The following CHCHD6 variants were observed in gnomAD, a reference collection of about 807,000 sequenced individuals.
The protein encoded by CHCHD6 is coiled-coil-helix-coiled-coil-helix domain containing 6.
A neutral mutation model predicts 32.3 loss-of-function variants in CHCHD6; 28 were observed. The ratio of observed to expected loss-of-function variants is 0.87; its 90% CI spans 0.64 to 1.19. CHCHD6 has a LOEUF of 1.19. Among genes scored for constraint, CHCHD6 ranks in the 50% most tolerant of loss-of-function variants. CHCHD6 has a pLI of 0.00. For missense variants in CHCHD6, 333 were observed against 307.0 expected (o/e 1.08, Z -0.63); for synonymous variants, 122 against 117.5 (o/e 1.04, Z -0.25).
At chr3:126,940,918 G>A (rs1386388614) in intron 6 of CHCHD6, among the ~76,000 whole-genome samples, 7 of 151,974 alleles carry the variant, frequency 4.6e-5, no homozygotes, top group Middle Eastern at 3.4e-3. Context: ...TTTTTAACAG[G>A]TCTTTGTGTG....
chr3:126,945,175 TG>T lies in CHCHD6; in HGVS notation c.567-12240del, dbSNP rs2078617483. 2.0e-5 allele frequency among the ~76,000 whole-genome samples: 3 copies of T among 151,998 alleles called. 1 individual carries two copies. On this transcript the variant is annotated intron_variant, in intron 6 of 7. Coordinates refer to ENST00000290913, the MANE Select transcript of CHCHD6 (RefSeq NM_032343.3). ...CAGCAGAGCAGGCACGGGCGGCTCT[TG>T]TGAGGAGGACTTTGGCTCACTGTGA...
intron 6 of CHCHD6, among the ~76,000 whole-genome samples, chr3:126,928,857 A>G (rs1051127878): frequency 1.3e-5 from 2 of 152,258 alleles, no homozygotes; most frequent in South Asian, 2.1e-4. Flanking sequence ...GAGTCATCTA[A>G]TCCAGTTAGA....
chr3:126,942,356 C>T (rs891759), intron 6 of CHCHD6, among the ~76,000 whole-genome samples: 87,781 of 152,088 alleles, frequency 0.58, 26,709 homozygotes, highest in Non-Finnish European at 0.68. Flanking sequence ...TAACTTCCAC[C>T]CATCAGCCTT....
intron 1 of CHCHD6, among the ~76,000 whole-genome samples, chr3:126,709,232 A>G (rs1345295086): frequency 2.0e-5 from 3 of 152,192 alleles, no homozygotes; most frequent in African/African-American, 4.8e-5. Flanking sequence ...TGATTAATGC[A>G]TCTTTTATTT....
At chr3:126,720,868 CCATA>C (rs781046943) in intron 1 of CHCHD6, among the ~76,000 whole-genome samples, 5 of 152,164 alleles carry the variant, frequency 3.3e-5, no homozygotes, top group Non-Finnish European at 7.3e-5. Flanking sequence ...CCTCATTCTC[CCATA>C]CACTGACTCA....
intron 1 of CHCHD6, among the ~76,000 whole-genome samples, chr3:126,705,609 C>A (rs1262456520): frequency 2.0e-5 from 3 of 152,036 alleles, no homozygotes; most frequent in Non-Finnish European, 4.4e-5. Context: ...GTGTCTACAC[C>A]TGCAGGTGCT....
intron 4 of CHCHD6, among the ~76,000 whole-genome samples, chr3:126,813,277 C>T (rs1013139108): frequency 3.9e-5 from 6 of 152,068 alleles, no homozygotes; most frequent in African/African-American, 7.2e-5. Context: ...CCTTGTTGAA[C>T]GTATCAGGTT....
In CHCHD6 at chr3:126,861,825, TTCCTCCACCATCACCACCTCCCCC is replaced by T. The variant is rs1559886692; in HGVS notation, c.495+9147_495+9170del. ...CCTCCTCCACCATCACCACCTCCCC[TTCCTCCACCATCACCACCTCCCCC>T]TCCTCCACCATCACCACCTCCCCCT... On this transcript the variant is annotated intron_variant, in intron 5 of 7. Coordinates refer to ENST00000290913, the MANE Select transcript of CHCHD6 (RefSeq NM_032343.3). 7.6e-4 allele frequency among the ~76,000 whole-genome samples: 3 copies of T among 3,944 alleles called. No homozygotes were observed. In the East Asian group the frequency reaches 0.037, roughly 49 times the overall value. The allele number at this position is 3,944 out of a possible 152,430, so 2.6% of individuals were successfully genotyped here. A position where few individuals can be genotyped will look rare whatever the true frequency, so the allele number is the denominator to read the frequency against.
At chr3:126,867,356 A>G (rs972990638) in intron 5 of CHCHD6, among the ~76,000 whole-genome samples, 1 of 152,182 alleles carries the variant, frequency 6.6e-6, no homozygotes, top group African/African-American at 2.4e-5. Flanking sequence ...CAGCAGCTAC[A>G]TGAATATGCA....
intron 5 of CHCHD6, 67 bp downstream of exon 5, chr3:126,852,797 C>T (rs753451314): frequency 1.7e-5 from 19 of 1,095,960 alleles, no homozygotes; most frequent in Non-Finnish European, 2.6e-5. Flanking sequence ...GAACACATCA[C>T]TGTCATGGGG....
intron 5 of CHCHD6, among the ~76,000 whole-genome samples, chr3:126,883,179 C>T (rs2077634134): frequency 6.6e-6 from 1 of 152,204 alleles, no homozygotes; most frequent in Non-Finnish European, 1.5e-5. Context: ...CCCTTTTCCC[C>T]ATACCTCCCT....
chr3:126,757,353 A>G (rs1036443035), intron 4 of CHCHD6, among the ~76,000 whole-genome samples: 18 of 152,232 alleles, frequency 1.2e-4, no homozygotes, highest in Non-Finnish European at 1.3e-4. Flanking sequence ...CCTATCTGGA[A>G]GAAGTCTAGG....
At position 126,882,269 on chromosome 3, in the gene CHCHD6, C is replaced by T. The variant is rs941221075; in HGVS notation, c.495+29539C>T. 3.3e-5 allele frequency among the ~76,000 whole-genome samples: 5 copies of T among 152,308 alleles called. 1 individual carries two copies. The highest frequency in any genetic ancestry group is 6.5e-5 in the Admixed American group (1 of 15,304). ...ACATTTCCACCTGGACCTCCCTCTC[C>T]GCCTTGCCTCATCGTCTCTAACCTC... is the stretch of plus-strand genomic sequence containing the variant. On this transcript the variant is annotated intron_variant, in intron 5 of 7. Transcript: ENST00000290913.
At chr3:126,762,477 C>T (rs1028334809) in intron 4 of CHCHD6, among the ~76,000 whole-genome samples, 9 of 152,112 alleles carry the variant, frequency 5.9e-5, no homozygotes, top group Non-Finnish European at 1.0e-4. Flanking sequence ...TACCTTCATT[C>T]CATTGTGGTT....
intron 4 of CHCHD6, among the ~76,000 whole-genome samples, chr3:126,760,452 T>C (rs2107672079): frequency 6.6e-6 from 1 of 152,322 alleles, no homozygotes. Context: ...CGGAACTTTT[T>C]CATCATTCCA....
intron 5 of CHCHD6, among the ~76,000 whole-genome samples, chr3:126,879,746 G>C (rs1391379072): frequency 6.6e-6 from 1 of 152,198 alleles, no homozygotes; most frequent in Non-Finnish European, 1.5e-5. Flanking sequence ...TATCCTGAGT[G>C]TGTGACAGTT....
intron 4 of CHCHD6, among the ~76,000 whole-genome samples, chr3:126,794,211 G>A (rs1167560216): frequency 6.6e-6 from 1 of 151,128 alleles, no homozygotes; most frequent in Admixed American, 6.6e-5. Context: ...CTTTCCTCTA[G>A]GACTGTAATG....
intron 6 of CHCHD6, chr3:126,952,995 C>G (rs1362937128): frequency 1.0e-6 from 1 of 985,366 alleles, no homozygotes; most frequent in Admixed American, 6.1e-5. Flanking sequence ...TTCTGTGGTC[C>G]TATTTACTGA....
chr3:126,918,186 T>C (rs2078197619), intron 6 of CHCHD6, among the ~76,000 whole-genome samples: 1 of 152,246 alleles, frequency 6.6e-6, no homozygotes, highest in African/African-American at 2.4e-5. Context: ...GAGATATTTC[T>C]TGGATTAACA....
Sources: gnomAD v4.1 joint callset for allele counts (sites outside exome capture counted in the v4.1 genomes callset) on GRCh38, gnomAD v4.1.1 for gene constraint, MANE v1.5 for transcripts, NCBI Gene and HGNC (gene_info 2026-07-23, HGNC 2026-07-21) for gene names.